Variants in PTPN13 observed in about 807,000 individuals in gnomAD.
The protein encoded by PTPN13 is protein tyrosine phosphatase non-receptor type 13, also known as tyrosine-protein phosphatase non-receptor type 13.
A neutral mutation model predicts 284.0 loss-of-function variants in PTPN13; 191 were observed. The ratio of observed to expected loss-of-function variants is 0.67; its 90% confidence interval spans 0.60 to 0.76. The LOEUF (loss-of-function observed/expected upper bound fraction) is 0.76. Among genes scored for constraint, PTPN13 ranks in the 30% least tolerant of loss-of-function variants. The pLI is 0.00. For missense variants in PTPN13, 2,797 were observed against 2,939.9 expected (o/e 0.95, Z 1.12); for synonymous variants, 986 against 1,022.3 (o/e 0.96, Z 0.68).
rs183991453 is a variant in PTPN13, at chr4:86,670,626, C to T, written c.116-1739C>T. On this transcript the variant is annotated intron_variant, in intron 2 of 47. Coordinates refer to ENST00000411767, the MANE Select transcript of PTPN13 (RefSeq NM_080683.3). ...ATCATCTCACACCAGATTATTAGTGCGTTGTCTTCCTAATTGGTCTCCTAG... is the reference window on the plus strand; with the variant it reads ...ATCATCTCACACCAGATTATTAGTGTGTTGTCTTCCTAATTGGTCTCCTAG... 3.5e-3 allele frequency among the ~76,000 whole-genome samples: 539 copies of T among 152,222 alleles called. 3 individuals are homozygous for T. The highest frequency in any genetic ancestry group is 0.012 in the African/African-American group (510 of 41,532).
intron 6 of PTPN13, among the ~76,000 whole-genome samples, chr4:86,695,129 G>A (rs1406271729): frequency 6.6e-6 from 1 of 151,882 alleles, no homozygotes; most frequent in Admixed American, 6.6e-5. Context: ...TATCTGTTTT[G>A]GTGCTTCCAT....
intron 6 of PTPN13, 133 bp downstream of exon 6, chr4:86,693,807 T>C: frequency 1.9e-6 from 1 of 524,044 alleles, no homozygotes; most frequent in Non-Finnish European, 3.3e-6. Context: ...AAACTGGAGG[T>C]AGGGAATGGG....
chr4:86,677,432 A>G (rs1346452906), intron 3 of PTPN13, among the ~76,000 whole-genome samples: 2 of 149,398 alleles, frequency 1.3e-5, no homozygotes, highest in East Asian at 4.0e-4. Flanking sequence ...CTCCTGCCTC[A>G]GCCTCCCAAG....
chr4:86,756,636 C>A (rs1485688023), intron 20 of PTPN13, among the ~76,000 whole-genome samples: 5 of 152,044 alleles, frequency 3.3e-5, no homozygotes, highest in Non-Finnish European at 7.4e-5. Flanking sequence ...TAATTCACTC[C>A]TGAGAGGAAA....
chr4:86,682,078 A>G (rs1354955878), intron 3 of PTPN13, among the ~76,000 whole-genome samples: 1 of 152,244 alleles, frequency 6.6e-6, no homozygotes, highest in East Asian at 1.9e-4. Context: ...TAGTAGTGTT[A>G]TAGATACCAG....
At chr4:86,640,361 C>G (rs1723639070) in intron 2 of PTPN13, among the ~76,000 whole-genome samples, 1 of 152,108 alleles carries the variant, frequency 6.6e-6, no homozygotes, top group South Asian at 2.1e-4. Flanking sequence ...CAGGATGTAG[C>G]TATACTCCAA....
intron 37 of PTPN13, 142 bp downstream of exon 37, chr4:86,782,404 A>G: frequency 1.3e-6 from 1 of 772,716 alleles, no homozygotes; most frequent in South Asian, 1.7e-5. Flanking sequence ...TATTTTACTG[A>G]ACTAATAGGC....
chr4:86,731,617 T>C (rs1734966831), intron 10 of PTPN13, among the ~76,000 whole-genome samples: 1 of 152,158 alleles, frequency 6.6e-6, no homozygotes, highest in African/African-American at 2.4e-5. Context: ...CTTTTAACTA[T>C]GACCAATTTT....
Position 86,738,071 on chromosome 4 carries a change from G to GTAGTTTCTTTT in PTPN13, c.2304+2326_2304+2336dup, listed in dbSNP as rs202112124. Among the ~76,000 whole-genome samples, 392 of 152,114 alleles carry GTAGTTTCTTTT rather than the reference G, an allele frequency of 2.6e-3. 14 individuals carry two copies. In the East Asian group the frequency reaches 0.06, roughly 23 times the overall value. Reference sequence around the variant, plus strand: ...TTCATCCATGGTGTGGTATATATCAGTAGTTTCTTTTCTTTTTTTTTTCTG... The same window carrying GTAGTTTCTTTT: ...TTCATCCATGGTGTGGTATATATCAGTAGTTTCTTTTTAGTTTCTTTTCTTTTTTTTTTCTG... On this transcript the variant is annotated intron_variant, in intron 15 of 47. Coordinates refer to ENST00000411767, the MANE Select transcript of PTPN13 (RefSeq NM_080683.3).
intron 15 of PTPN13, among the ~76,000 whole-genome samples, chr4:86,740,748 C>T (rs1324322018): frequency 2.0e-5 from 3 of 152,070 alleles, no homozygotes; most frequent in Admixed American, 2.0e-4. Context: ...AACTGTTATG[C>T]CCTGTTTCCC....
At chr4:86,810,907 C>T in intron 46 of PTPN13, 139 bp from the exon 47 acceptor site, 1 of 636,080 alleles carries the variant, frequency 1.6e-6, no homozygotes. Flanking sequence ...TCATTTTGTC[C>T]AGGAGAGTTT....
In PTPN13 at chr4:86,610,043, A is replaced by G. The variant is rs527846595; in HGVS notation, c.-6+15254A>G. On this transcript the variant is annotated intron_variant, in intron 1 of 47. Transcript: ENST00000411767. The stretch of plus-strand genomic sequence containing the variant: ...TTTAGATTCAACATGGTGAAACCCC[A>G]TCTCTACTAAAAATACAAAAATTGG... Among the ~76,000 whole-genome samples, 6 of 152,164 alleles carry G rather than the reference A, an allele frequency of 3.9e-5. No homozygotes were observed. The East Asian group carries it at 1.2e-3, about 29-fold the overall frequency.
chr4:86,669,222 A>G (rs1453585070), intron 2 of PTPN13, among the ~76,000 whole-genome samples: 2 of 146,458 alleles, frequency 1.4e-5, no homozygotes, highest in Non-Finnish European at 3.0e-5. Context: ...TTATGTATGT[A>G]TTATCTCCCC....
intron 20 of PTPN13, among the ~76,000 whole-genome samples, chr4:86,754,704 A>G (rs187847317): frequency 6.6e-6 from 1 of 152,100 alleles, no homozygotes; most frequent in Admixed American, 6.6e-5. Context: ...ATAATAATCT[A>G]TTCAAGTATG....
intron 1 of PTPN13, among the ~76,000 whole-genome samples, chr4:86,596,045 G>C (rs767665149): frequency 7.9e-5 from 12 of 152,136 alleles, no homozygotes; most frequent in Non-Finnish European, 1.3e-4. Context: ...TATTGATTTA[G>C]TAAATTTATA....
At chr4:86,745,596 G>A (rs1736654069) in intron 17 of PTPN13, among the ~76,000 whole-genome samples, 1 of 152,102 alleles carries the variant, frequency 6.6e-6, no homozygotes, top group African/African-American at 2.4e-5. Context: ...CAAACATGGT[G>A]AAACCCTGTC....
chr4:86,769,684 G>A lies in PTPN13; in HGVS notation c.4490-85G>A, dbSNP rs1025355898. ...ACGGGAAAATGGGCTTTTAAAATGT[G>A]TCTAGAAGTATATATGTTTGTATGT... On this transcript the variant is annotated intron_variant, in intron 28 of 47. Transcript: ENST00000411767. 20 of 899,624 alleles carry A rather than the reference G, an allele frequency of 2.2e-5. No homozygotes were observed. In the Admixed American group the frequency reaches 4.9e-4, roughly 22 times the overall value. The allele number at this position is 899,624 out of a possible 1,614,324, so 55.7% of individuals were successfully genotyped here. A position where few individuals can be genotyped will look rare whatever the true frequency, so the allele number is the denominator to read the frequency against.
At chr4:86,720,601 C>G (rs113401133) in intron 9 of PTPN13, among the ~76,000 whole-genome samples, 1 of 152,138 alleles carries the variant, frequency 6.6e-6, no homozygotes, top group Non-Finnish European at 1.5e-5. Flanking sequence ...GCTTAAAATA[C>G]TGTCCAAATT....
intron 10 of PTPN13, among the ~76,000 whole-genome samples, chr4:86,727,259 T>C (rs944537146): frequency 6.7e-6 from 1 of 149,658 alleles, no homozygotes; most frequent in African/African-American, 2.4e-5. Context: ...ATCAGGGATA[T>C]TGGTCTAAAA....
Sources: gnomAD v4.1 joint callset for allele counts (sites outside exome capture counted in the v4.1 genomes callset) on GRCh38, gnomAD v4.1.1 for gene constraint, MANE v1.5 for transcripts, NCBI Gene and HGNC (gene_info 2026-07-23, HGNC 2026-07-21) for gene names.